The following ELMO1 variants were observed in gnomAD, a reference collection of about 807,000 sequenced individuals.
The protein encoded by ELMO1 is engulfment and cell motility 1, also known as engulfment and cell motility protein 1.
A neutral mutation model predicts 98.9 loss-of-function variants in ELMO1; 26 were observed. That is an observed-to-expected ratio of 0.26 (90% confidence interval 0.19 to 0.36). The LOEUF (loss-of-function observed/expected upper bound fraction) is 0.36. Ranked by LOEUF, ELMO1 falls within the 10% of genes least tolerant of loss-of-function variation. The pLI is 1.00. For missense variants in ELMO1, 627 were observed against 935.2 expected (o/e 0.67, Z 4.30); for synonymous variants, 346 against 346.0 (o/e 1.00, Z 0.00).
At chr7:36,950,495 G>A (rs748636761) in intron 16 of ELMO1, among the ~76,000 whole-genome samples, 2 of 152,172 alleles carry the variant, frequency 1.3e-5, no homozygotes, top group Non-Finnish European at 2.9e-5. Context: ...CCTATCTTCT[G>A]CTTCTGTCTT....
chr7:37,055,895 G>A (rs1446327668), intron 15 of ELMO1, among the ~76,000 whole-genome samples: 3 of 152,172 alleles, frequency 2.0e-5, no homozygotes, highest in Non-Finnish European at 4.4e-5. Flanking sequence ...AGTCTCGGCT[G>A]TAAGGGCAGC....
chr7:37,403,461 G>C (rs532542728), intron 1 of ELMO1, among the ~76,000 whole-genome samples: 1 of 152,294 alleles, frequency 6.6e-6, no homozygotes, highest in South Asian at 2.1e-4. Flanking sequence ...CATAGGTGAA[G>C]CATCGTGGAT....
intron 15 of ELMO1, among the ~76,000 whole-genome samples, chr7:37,061,826 C>G (rs780714615): frequency 6.6e-6 from 1 of 152,180 alleles, no homozygotes. Flanking sequence ...TAATTGCCAA[C>G]CTAAAAGGTT....
chr7:37,323,135 T>C (rs1799609713), intron 2 of ELMO1, among the ~76,000 whole-genome samples: 1 of 152,224 alleles, frequency 6.6e-6, no homozygotes, highest in South Asian at 2.1e-4. Context: ...CTTCACTTTA[T>C]AGTATATTCC....
At chr7:37,145,419 C>T (rs971216173) in intron 13 of ELMO1, among the ~76,000 whole-genome samples, 2 of 152,352 alleles carry the variant, frequency 1.3e-5, no homozygotes, top group Non-Finnish European at 1.5e-5. Context: ...GTCAATAAAA[C>T]AAACCCCTTT....
intron 16 of ELMO1, among the ~76,000 whole-genome samples, chr7:36,964,989 C>T (rs1789288683): frequency 6.6e-6 from 1 of 152,172 alleles, no homozygotes. Flanking sequence ...CCCCCCGCAT[C>T]CCCCATCCAG....
At chr7:37,434,034 G>A (rs771077137) in intron 1 of ELMO1, among the ~76,000 whole-genome samples, 4 of 152,000 alleles carry the variant, frequency 2.6e-5, no homozygotes, top group Non-Finnish European at 4.4e-5. Context: ...ACAGATCTGA[G>A]AAAACAGCTG....
intron 14 of ELMO1, among the ~76,000 whole-genome samples, chr7:37,131,072 G>A (rs1786888634): frequency 6.6e-6 from 1 of 151,968 alleles, no homozygotes; most frequent in Non-Finnish European, 1.5e-5. Context: ...CCATATCATG[G>A]AGATATCTAT....
At chr7:37,301,959 A>T (rs992181524) in intron 4 of ELMO1, among the ~76,000 whole-genome samples, 18 of 152,194 alleles carry the variant, frequency 1.2e-4, no homozygotes, top group Non-Finnish European at 2.5e-4. Flanking sequence ...TCTTGGTTTA[A>T]AAAGTTAAAT....
intron 13 of ELMO1, among the ~76,000 whole-genome samples, chr7:37,173,326 C>A (rs1404968717): frequency 6.6e-6 from 1 of 152,122 alleles, no homozygotes; most frequent in African/African-American, 2.4e-5. Context: ...CCAAAGTGAC[C>A]ATGTGAGGTT....
chr7:36,958,651 C>T (rs1051465218), intron 16 of ELMO1, among the ~76,000 whole-genome samples: 3 of 152,186 alleles, frequency 2.0e-5, no homozygotes, highest in Non-Finnish European at 4.4e-5. Flanking sequence ...GAACTTGAAA[C>T]AGCTGATAAT....
chr7:37,154,864 G>T (rs1013168852), intron 13 of ELMO1, among the ~76,000 whole-genome samples: 1 of 152,164 alleles, frequency 6.6e-6, no homozygotes, highest in Non-Finnish European at 1.5e-5. Flanking sequence ...ATAATTGTCA[G>T]ATTTACCAAG....
chr7:37,417,356 G>A (rs993581181), intron 1 of ELMO1, among the ~76,000 whole-genome samples: 3 of 152,120 alleles, frequency 2.0e-5, no homozygotes, highest in Non-Finnish European at 4.4e-5. Flanking sequence ...AGAGGAAGAT[G>A]TCTACTAAAA....
chr7:37,216,700 G>A lies in ELMO1; in HGVS notation c.781-5C>T. The A allele has an allele frequency of 6.2e-7, 1 of 1,613,994 alleles. No individual in the cohort carries two copies. Among genetic ancestry groups the A allele is most frequent in the Non-Finnish European group, 8.5e-7 (1 of 1,179,972 alleles). On this transcript the variant is annotated splice_polypyrimidine_tract_variant and splice_region_variant and intron_variant, in intron 10 of 21. Coordinates refer to ENST00000310758, the MANE Select transcript of ELMO1 (RefSeq NM_014800.11). ...AGCCAAAATATTCGCCATCTCCTGTGGAAGAAAAACACACCCACACAAAGG... is the reference window on the plus strand; with the variant it reads ...AGCCAAAATATTCGCCATCTCCTGTAGAAGAAAAACACACCCACACAAAGG...
chr7:36,944,911 T>C (rs945791987), intron 16 of ELMO1, among the ~76,000 whole-genome samples: 2 of 152,212 alleles, frequency 1.3e-5, no homozygotes, highest in Non-Finnish European at 2.9e-5. Flanking sequence ...AAGGAGCCTA[T>C]GCTAGCAGTG....
intron 15 of ELMO1, among the ~76,000 whole-genome samples, chr7:37,079,466 G>T (rs1315500048): frequency 6.6e-6 from 1 of 152,134 alleles, no homozygotes; most frequent in Non-Finnish European, 1.5e-5. Context: ...GTTTCTAAAA[G>T]CCTCCTCTTC....
Position 36,855,619 on chromosome 7 carries a change from T to C in ELMO1, c.2116A>G (p.Ile706Val), listed in dbSNP as rs765898655. The change falls in exon 22 of 22, where the codon ATC becomes GTC. Residue 706 changes from isoleucine to valine, a missense_variant. Coordinates refer to ENST00000310758, the MANE Select transcript of ELMO1 (RefSeq NM_014800.11). This position sits in a 1 kb window ranked among gnomAD's most constrained non-coding sequence, Gnocchi z 4.2. ...LRLLDLENIQ[I>V]PDAPPPIPKE... ...GGAATCGGCGGAGGTGCGTCAGGGATCTGGATGTTTTCCAGGTCCAGGAGG... is the reference window on the plus strand; with the variant it reads ...GGAATCGGCGGAGGTGCGTCAGGGACCTGGATGTTTTCCAGGTCCAGGAGG... 1.6e-5 allele frequency: 26 copies of C among 1,613,982 alleles called. No individual in the cohort carries two copies. In the Admixed American group the frequency reaches 4.0e-4, roughly 25 times the overall value.
intron 7 of ELMO1, among the ~76,000 whole-genome samples, chr7:37,235,749 G>A (rs1051294001): frequency 3.3e-5 from 5 of 152,090 alleles, no homozygotes; most frequent in Non-Finnish European, 7.4e-5. Flanking sequence ...CCTGGCCAAC[G>A]TGGTGAAACC....
intron 1 of ELMO1, among the ~76,000 whole-genome samples, chr7:37,366,307 G>A (rs142444011): frequency 9.4e-4 from 143 of 152,040 alleles, no homozygotes; most frequent in Non-Finnish European, 1.6e-3. Flanking sequence ...ATTAATAATC[G>A]TTTTATATCA....
Sources: allele counts gnomAD v4.1 joint callset (sites outside exome capture counted in the v4.1 genomes callset), GRCh38; gene constraint gnomAD v4.1.1; non-coding constraint Gnocchi (gnomAD v3.1); transcripts MANE v1.5; gene names NCBI Gene and HGNC (gene_info 2026-07-23, HGNC 2026-07-21).